INPP5B: variants seen among roughly 807,000 people sequenced by gnomAD.
INPP5B encodes inositol polyphosphate-5-phosphatase B, also known as type II inositol 1,4,5-trisphosphate 5-phosphatase.
Under a neutral mutation model 118.5 loss-of-function variants are expected in INPP5B, and 90 were observed. The observed-to-expected ratio is 0.76, with a 90% CI of 0.64 to 0.90. The LOEUF (loss-of-function observed/expected upper bound fraction) is 0.90, where lower values mean the gene tolerates loss of function less well. Among genes scored for constraint, INPP5B ranks in the 40% least tolerant of loss-of-function variants. The pLI, the probability that INPP5B is intolerant of heterozygous loss-of-function variation, is 0.00. For missense variants in INPP5B, 984 were observed against 1,125.6 expected (o/e 0.87, Z 1.80); for synonymous variants, 385 against 418.9 (o/e 0.92, Z 0.99).
At chr1:37,914,567 C>A (rs1051675436) in intron 7 of INPP5B, among the ~76,000 whole-genome samples, 1 of 152,196 alleles carries the variant, frequency 6.6e-6, no homozygotes, top group African/African-American at 2.4e-5. Context: ...ATTCACTCCA[C>A]CCCTGATCCT....
At chr1:37,941,958 A>AAAAAATATATATATATATAT (rs1427344681) in intron 5 of INPP5B, 4 of 30,376 alleles carry the variant, frequency 1.3e-4, no homozygotes, top group African/African-American at 6.0e-4. Context: ...AAAAAAAAAA[A>AAAAAATATATATATATATAT]ATATATATAT....
Position 37,907,178 on chromosome 1 carries a change from T to C in INPP5B, c.533-15724A>G, listed in dbSNP as rs775256119. The stretch of plus-strand genomic sequence containing the variant: ...TTTCACTTATTTTGCTTTACCGTTG[T>C]GGAATACATTGCTGTTGTACTCTTT... On this transcript the variant is annotated intron_variant, in intron 7 of 23. Coordinates refer to ENST00000373024, the MANE Select transcript of INPP5B (RefSeq NM_005540.3). This position sits in a 1 kb window ranked among gnomAD's most constrained non-coding sequence, Gnocchi z 4.3. Among the ~76,000 whole-genome samples the C allele has an allele frequency of 2.0e-5, 3 of 152,258 alleles. No homozygotes were observed. The highest frequency in any genetic ancestry group is 4.4e-5 in the Non-Finnish European group (3 of 68,052).
In INPP5B at chr1:37,885,771, C is replaced by T. The variant is rs202204967; in HGVS notation, c.1186G>A (p.Val396Ile). 48 of 1,614,202 alleles carry T rather than the reference C, an allele frequency of 3.0e-5. No homozygotes were observed. The highest frequency in any genetic ancestry group is 3.3e-4 in the Middle Eastern group (2 of 6,062). ...TGGGCTGCCAAGTGAGAATTCACAA[C>T]GCAGATGCTGGTGTTGTGGAACTGG... ...RFQFHNTSIC[V>I]VNSHLAAHIE... is the part of the protein sequence containing the mutation. Residue 396 changes from valine to isoleucine, a missense_variant, in exon 13 of 24, where the codon GTT becomes ATT. This residue lies in a region of INPP5B where 634 missense variants were observed against 791.0 expected (regional missense o/e 0.80). Transcript: ENST00000373024.
At chr1:37,895,778 G>A (rs1369416489) in intron 7 of INPP5B, among the ~76,000 whole-genome samples, 1 of 152,234 alleles carries the variant, frequency 6.6e-6, no homozygotes. Context: ...GCCTCCTGAG[G>A]TGCCGGGATT....
intron 14 of INPP5B, among the ~76,000 whole-genome samples, chr1:37,882,520 T>C (rs114111864): frequency 0.018 from 2,722 of 152,260 alleles, 53 homozygotes; most frequent in Non-Finnish European, 0.025. Context: ...AGCTTGGTAC[T>C]CTTTTAGCCC....
intron 7 of INPP5B, among the ~76,000 whole-genome samples, chr1:37,901,174 C>T (rs1418976482): frequency 1.3e-5 from 2 of 152,150 alleles, no homozygotes; most frequent in African/African-American, 2.4e-5. Context: ...GTGAGCTCTG[C>T]GAGGCAGGGA....
intron 19 of INPP5B, 102 bp from the exon 20 acceptor site, chr1:37,868,716 C>G (rs1642206322): frequency 1.4e-6 from 1 of 736,744 alleles, no homozygotes; most frequent in Admixed American, 2.0e-5. Context: ...AAACATTCCA[C>G]TGCCCCTAAC....
intron 6 of INPP5B, among the ~76,000 whole-genome samples, chr1:37,938,917 G>A (rs1173860267): frequency 6.6e-6 from 1 of 151,996 alleles, no homozygotes; most frequent in Non-Finnish European, 1.5e-5. Context: ...AATTATGCTG[G>A]GTGTGGTGGC....
chr1:37,904,433 A>C (rs750668202), intron 7 of INPP5B, among the ~76,000 whole-genome samples: 1 of 152,242 alleles, frequency 6.6e-6, no homozygotes, highest in African/African-American at 2.4e-5. Flanking sequence ...TGAAAGTTTA[A>C]GAGTTTGTTA....
chr1:37,943,249 C>A (rs534361399), intron 5 of INPP5B, among the ~76,000 whole-genome samples: 19 of 151,992 alleles, frequency 1.3e-4, no homozygotes, highest in Non-Finnish European at 2.2e-4. Context: ...CTTGGCCCCC[C>A]CAAAGTGCTG....
At chr1:37,930,526 C>G (rs1226927140) in intron 7 of INPP5B, 1 of 152,262 alleles carries the variant, frequency 6.6e-6, no homozygotes, top group Non-Finnish European at 1.5e-5. Context: ...TGTGAAGGGG[C>G]AAGGAGATGA....
intron 6 of INPP5B, among the ~76,000 whole-genome samples, chr1:37,936,721 CTTT>C (rs1186118337): frequency 2.2e-5 from 3 of 136,082 alleles, no homozygotes; most frequent in East Asian, 2.1e-4. Flanking sequence ...TGGAGCAGAA[CTTT>C]TTTTTTTTTT....
chr1:37,923,148 G>T (rs28495286), intron 7 of INPP5B, among the ~76,000 whole-genome samples: 3,333 of 152,282 alleles, frequency 0.022, 120 homozygotes, highest in African/African-American at 0.077. Flanking sequence ...AATTCAACCA[G>T]AGACAGACAT....
chr1:37,929,081 C>CACA (rs1202216459), intron 7 of INPP5B: 2 of 152,108 alleles, frequency 1.3e-5, no homozygotes, highest in African/African-American at 4.8e-5. Flanking sequence ...TTAACAGTGT[C>CACA]ACCCAGTCAC....
At position 37,862,263 on chromosome 1, in the gene INPP5B, CAG is replaced by C. The variant is rs140670679; in HGVS notation, c.*50_*51del. ...TCTTAAGGCATCTCTTGAGCTGAAA[CAG>C]GTGGGGCTGGTAATTGGCAGCCTCA... On this transcript the variant is annotated 3_prime_UTR_variant, in exon 24 of 24. Transcript: ENST00000373024. 0.26 allele frequency: 313,125 copies of C among 1,189,296 alleles called. 43,876 individuals carry two copies. Among genetic ancestry groups the C allele is most frequent in the Non-Finnish European group, 0.29 (231,228 of 795,876 alleles). 73.7% of individuals were successfully genotyped at this position (1,189,296 alleles called of 1,614,324 possible).
At chr1:37,928,267 G>A (rs972766791) in intron 7 of INPP5B, among the ~76,000 whole-genome samples, 7 of 151,768 alleles carry the variant, frequency 4.6e-5, no homozygotes, top group Non-Finnish European at 8.8e-5. Context: ...GCCACCTCCC[G>A]GGTTCAACTG....
At chr1:37,931,773 G>A (rs766429146) in intron 7 of INPP5B, 140 bp downstream of exon 7, 3 of 1,604,272 alleles carry the variant, frequency 1.9e-6, no homozygotes, top group Non-Finnish European at 2.5e-6. Flanking sequence ...TCCGCCCCCA[G>A]ACGAACCCGC....
rs949288399 is a variant in INPP5B, at chr1:37,878,348, A to G, written c.1542-25T>C. ...ACTGAAATGCAAAGTCCACACTGGAAGTACTCACAGAAACAGCAGTGCCCG... is the reference window on the plus strand; with the variant it reads ...ACTGAAATGCAAAGTCCACACTGGAGGTACTCACAGAAACAGCAGTGCCCG... On this transcript the variant is annotated intron_variant, in intron 15 of 23. Transcript: ENST00000373024. 3.1e-6 allele frequency: 5 copies of G among 1,612,938 alleles called. No individual in the cohort carries two copies. In the African/African-American group the frequency reaches 6.7e-5, roughly 22 times the overall value.
chr1:37,905,066 A>T (rs1644460525), intron 7 of INPP5B, among the ~76,000 whole-genome samples: 1 of 152,190 alleles, frequency 6.6e-6, no homozygotes, highest in South Asian at 2.1e-4. Context: ...ATTGTCAAAT[A>T]TGAAATAGTG....
Sources: allele counts gnomAD v4.1 joint callset (sites outside exome capture counted in the v4.1 genomes callset), GRCh38; gene constraint gnomAD v4.1.1; regional missense constraint gnomAD v4.1.1; non-coding constraint Gnocchi (gnomAD v3.1); transcripts MANE v1.5; gene names NCBI Gene and HGNC (gene_info 2026-07-23, HGNC 2026-07-21).